The following SRGAP2 variants were observed in gnomAD, a reference collection of about 807,000 sequenced individuals.
SRGAP2 encodes SLIT-ROBO Rho GTPase-activating protein 2.
A neutral mutation model predicts 57.2 loss-of-function variants in SRGAP2; 15 were observed. That is an observed-to-expected ratio of 0.26 (90% CI 0.18 to 0.40). The LOEUF is 0.40. Ranked by LOEUF, SRGAP2 falls within the 10% of genes least tolerant of loss-of-function variation. SRGAP2 has a pLI of 1.00. For missense variants in SRGAP2, 520 were observed against 669.6 expected, an observed-to-expected ratio of 0.78 and a Z score of 2.47; for synonymous variants, 249 against 248.0, an observed-to-expected ratio of 1.00 and a Z score of -0.04.
intron 10 of SRGAP2, among the ~76,000 whole-genome samples, chr1:206,414,256 C>G (rs1045438915): frequency 2.6e-5 from 4 of 151,966 alleles, no homozygotes; most frequent in African/African-American, 9.7e-5. Context: ...AGGCTGGTCT[C>G]AAACTCCTGT....
intron 13 of SRGAP2, among the ~76,000 whole-genome samples, chr1:206,425,817 G>A (rs1474633066): frequency 6.7e-6 from 1 of 150,338 alleles, no homozygotes; most frequent in African/African-American, 2.4e-5. Context: ...TTACAGGCGT[G>A]AGCCACTGCA....
At chr1:206,328,291 A>G (rs1170183961) in intron 3 of SRGAP2, among the ~76,000 whole-genome samples, 23 of 108,520 alleles carry the variant, frequency 2.1e-4, no homozygotes, top group African/African-American at 9.8e-4. Flanking sequence ...TCTTTATAGC[A>G]GCATGATTTA....
At position 206,432,203 on chromosome 1, in the gene SRGAP2, G is replaced by T. The variant is rs77157475; in HGVS notation, c.1555+1981G>T. Among the ~76,000 whole-genome samples the T allele has an allele frequency of 3.1e-3, 479 of 152,318 alleles. 2 individuals are homozygous for T. Among genetic ancestry groups the T allele is most frequent in the African/African-American group, 0.011 (464 of 41,560 alleles). ...AGCTGTGGTATTTGCTGAAAAGTGG[G>T]CAGGTTCCAGATATTGTGGCATGAA... is the stretch of plus-strand genomic sequence containing the variant. On this transcript the variant is annotated intron_variant, in intron 14 of 22. Coordinates refer to ENST00000573034, the MANE Select transcript of SRGAP2 (RefSeq NM_015326.5).
intron 16 of SRGAP2, among the ~76,000 whole-genome samples, chr1:206,439,519 G>A (rs1311741173): frequency 6.6e-6 from 1 of 151,894 alleles, no homozygotes; most frequent in Non-Finnish European, 1.5e-5. Context: ...TTTGTGTTGA[G>A]CAGTTACAGC....
At chr1:206,435,198 G>A (rs1661620682) in intron 14 of SRGAP2, among the ~76,000 whole-genome samples, 1 of 152,148 alleles carries the variant, frequency 6.6e-6, no homozygotes, top group Non-Finnish European at 1.5e-5. Context: ...GTTTCAGTTG[G>A]ATTCAAAATA....
intron 4 of SRGAP2, among the ~76,000 whole-genome samples, chr1:206,375,166 C>T (rs1335617848): frequency 9.3e-5 from 14 of 150,688 alleles, no homozygotes; most frequent in South Asian, 2.1e-4. Context: ...CTCTTTCCCC[C>T]GATTCTCTCC....
At chr1:206,437,905 C>G in intron 15 of SRGAP2, 59 bp from the exon 16 acceptor site, 1 of 776,434 alleles carries the variant, frequency 1.3e-6, no homozygotes, top group Non-Finnish European at 2.4e-6. Context: ...CCACGTTCGT[C>G]CTGTGTGTTT....
chr1:206,335,947 T>C (rs533282895), intron 3 of SRGAP2, among the ~76,000 whole-genome samples: 2 of 152,332 alleles, frequency 1.3e-5, no homozygotes, highest in East Asian at 3.9e-4. Flanking sequence ...CCATTCCTAG[T>C]TCTCTGACCT....
chr1:206,389,437 A>G (rs1273342940), intron 5 of SRGAP2, among the ~76,000 whole-genome samples: 1 of 152,132 alleles, frequency 6.6e-6, no homozygotes, highest in Non-Finnish European at 1.5e-5. Context: ...TGGGCCTCCC[A>G]AAGTGCTGGG....
chr1:206,392,654 G>A, intron 5 of SRGAP2, 35 bp from the exon 6 acceptor site: 1 of 727,978 alleles, frequency 1.4e-6, no homozygotes, highest in Non-Finnish European at 2.6e-6. Flanking sequence ...CCCTTGGCTT[G>A]ACCTCTGGGG....
intron 2 of SRGAP2, among the ~76,000 whole-genome samples, chr1:206,209,607 A>G (rs1451114293): frequency 1.6e-4 from 24 of 151,976 alleles, no homozygotes; most frequent in Non-Finnish European, 2.4e-4. Flanking sequence ...ATGCCTCTCA[A>G]TGTCTGACTT....
At chr1:206,210,050 T>C (rs1406061837) in intron 2 of SRGAP2, among the ~76,000 whole-genome samples, 2 of 146,394 alleles carry the variant, frequency 1.4e-5, no homozygotes, top group Non-Finnish European at 3.0e-5. Flanking sequence ...GGAAATTCTT[T>C]ACAACCCTGG....
chr1:206,289,407 G>A (rs1348632336), intron 2 of SRGAP2, among the ~76,000 whole-genome samples: 4 of 150,058 alleles, frequency 2.7e-5, no homozygotes, highest in African/African-American at 9.7e-5. Flanking sequence ...TGAGTAGCTG[G>A]GACTACAGGC....
chr1:206,399,155 T>G (rs1293185021), intron 7 of SRGAP2, among the ~76,000 whole-genome samples: 1 of 152,146 alleles, frequency 6.6e-6, no homozygotes, highest in Non-Finnish European at 1.5e-5. Context: ...AGTATTTCAT[T>G]GGATTAGAGC....
intron 2 of SRGAP2, among the ~76,000 whole-genome samples, chr1:206,292,087 A>G (rs1671359787): frequency 6.6e-6 from 1 of 151,684 alleles, no homozygotes; most frequent in African/African-American, 2.4e-5. Flanking sequence ...ATAACAAGAG[A>G]TTGCTTATAA....
Position 206,251,723 on chromosome 1 carries a change from G to A in SRGAP2, c.67+45686G>A, listed in dbSNP as rs1357652639. On this transcript the variant is annotated intron_variant, in intron 2 of 22. Transcript: ENST00000573034. ...GGTTCTTTTTTTTTTTTTTTTTTTT[G>A]AGACAGAGTCTTGCTCTGTCGCCCA... 7.5e-5 allele frequency among the ~76,000 whole-genome samples: 3 copies of A among 39,828 alleles called. 1 individual carries two copies. In the Admixed American group the frequency reaches 9.0e-4, roughly 12 times the overall value. The allele number at this position is 39,828 out of a possible 152,430, so 26.1% of individuals were successfully genotyped here. A position where few individuals can be genotyped will look rare whatever the true frequency, so the allele number is the denominator to read the frequency against.
At chr1:206,441,190 G>C (rs1553371911) in intron 17 of SRGAP2, among the ~76,000 whole-genome samples, 2 of 152,184 alleles carry the variant, frequency 1.3e-5, no homozygotes, top group African/African-American at 4.8e-5. Context: ...TGTTGATGTG[G>C]TCATGGTCAT....
At chr1:206,355,932 A>C (rs2102972056) in intron 4 of SRGAP2, among the ~76,000 whole-genome samples, 1 of 152,042 alleles carries the variant, frequency 6.6e-6, no homozygotes, top group East Asian at 1.9e-4. Flanking sequence ...GTGCCATTGC[A>C]CTCCAGCATG....
intron 19 of SRGAP2, among the ~76,000 whole-genome samples, chr1:206,451,156 A>G (rs1414170258): frequency 6.7e-6 from 1 of 149,230 alleles, no homozygotes; most frequent in Non-Finnish European, 1.5e-5. Context: ...CTGGGGTGGG[A>G]AATAGCAGAG....
Sources: allele counts gnomAD v4.1 joint callset (sites outside exome capture counted in the v4.1 genomes callset), GRCh38; gene constraint gnomAD v4.1.1; transcripts MANE v1.5; gene names NCBI Gene and HGNC (gene_info 2026-07-23, HGNC 2026-07-21).